MBNL2: variants seen among roughly 807,000 people sequenced by gnomAD.
MBNL2 encodes the protein muscleblind like splicing regulator 2, also known as muscleblind-like protein 2.
Under a neutral mutation model 41.9 loss-of-function variants are expected in MBNL2, and 17 were observed. That is an observed-to-expected ratio of 0.41 (90% CI 0.28 to 0.61). MBNL2 has a LOEUF of 0.61. Among genes scored for constraint, MBNL2 ranks in the 20% least tolerant of loss-of-function variants. MBNL2 has a pLI of 0.35. For synonymous variants in MBNL2, 195 were observed against 182.9 expected (o/e 1.07, Z -0.53); for missense variants, 336 against 505.6 (o/e 0.66, Z 3.22).
chr13:97,283,367 A>G (rs1292699095), intron 2 of MBNL2, among the ~76,000 whole-genome samples: 3 of 152,106 alleles, frequency 2.0e-5, no homozygotes, highest in East Asian at 3.9e-4. Flanking sequence ...CCCCATCTGA[A>G]TGGCCCATTG....
chr13:97,354,463 G>C (rs1365024011), intron 5 of MBNL2, among the ~76,000 whole-genome samples: 1 of 152,092 alleles, frequency 6.6e-6, no homozygotes, highest in Non-Finnish European at 1.5e-5. Flanking sequence ...CAAGACCTCA[G>C]TGTTTACTTT....
intron 2 of MBNL2, among the ~76,000 whole-genome samples, chr13:97,292,200 C>CAA (rs34473435): frequency 0.019 from 1,338 of 69,206 alleles, 44 homozygotes; most frequent in African/African-American, 0.055. Flanking sequence ...GACTCCATCT[C>CAA]AAAAAAAAAA....
At chr13:97,221,723 G>A (rs1445213605), upstream of MBNL2, among the ~76,000 whole-genome samples, 1 of 152,148 alleles carries the variant, frequency 6.6e-6, no homozygotes, top group Non-Finnish European at 1.5e-5. Flanking sequence ...AAACTTAGAC[G>A]AAAGATAAAT....
rs73557664 is a variant in MBNL2, at chr13:97,308,052, T to C, written c.175-26224T>C. Among the ~76,000 whole-genome samples, 1,258 of 152,362 alleles carry C rather than the reference T, an allele frequency of 8.3e-3. 24 individuals carry two copies. The highest frequency in any genetic ancestry group is 0.029 in the African/African-American group (1,195 of 41,576). ...ATTTTGAGCCATAGAGCTATTATAA[T>C]AAAAGGGATTACATCTTTGGGATTT... is the stretch of plus-strand genomic sequence containing the variant. On this transcript the variant is annotated intron_variant, in intron 2 of 8. Coordinates refer to ENST00000679496, the MANE Select transcript of MBNL2 (RefSeq NM_001382683.1).
intron 7 of MBNL2, chr13:97,357,880 A>G (rs1418424177): frequency 3.6e-6 from 2 of 551,938 alleles, no homozygotes; most frequent in Non-Finnish European, 6.5e-6. Context: ...AACAGCAGTT[A>G]GGGCTTTTGG....
intron 1 of MBNL2, among the ~76,000 whole-genome samples, chr13:97,272,803 T>A (rs2051335548): frequency 6.6e-6 from 1 of 152,242 alleles, no homozygotes; most frequent in Non-Finnish European, 1.5e-5. Flanking sequence ...CATTTGTATA[T>A]AATAATCCTA....
chr13:97,319,421 A>T (rs1412446888), intron 2 of MBNL2, among the ~76,000 whole-genome samples: 1 of 152,144 alleles, frequency 6.6e-6, no homozygotes, highest in African/African-American at 2.4e-5. Flanking sequence ...AGGAATGAAT[A>T]GGCAGGGTGG....
chr13:97,196,241 A>G, the MBNL2 span, among the ~76,000 whole-genome samples: 1 of 152,206 alleles, frequency 6.6e-6, no homozygotes, highest in Non-Finnish European at 1.5e-5. Context: ...CATACAGCCT[A>G]TAATTCACCA....
the MBNL2 span, among the ~76,000 whole-genome samples, chr13:97,155,972 A>G: frequency 7.9e-6 from 1 of 126,664 alleles, no homozygotes; most frequent in Non-Finnish European, 1.6e-5. Flanking sequence ...GAATCGCCAC[A>G]CTGACTTCCA....
intron 8 of MBNL2, among the ~76,000 whole-genome samples, chr13:97,390,037 C>G (rs1177837645): frequency 6.6e-6 from 1 of 151,882 alleles, no homozygotes; most frequent in African/African-American, 2.4e-5. Flanking sequence ...GTACACAAGA[C>G]AAGGAATGCT....
At position 97,346,730 on chromosome 13, in the gene MBNL2, C is replaced by T. The variant is rs2061905930; in HGVS notation, c.541-74C>T. ...AAAGCGAGGCAGCCTCCGCTCCTCC[C>T]GCGGTGGCCGGGGCCGCAGGGGCGC... On this transcript the variant is annotated intron_variant, in intron 4 of 8. Transcript: ENST00000679496. The surrounding 1 kb of genome is among the most constrained non-coding windows in gnomAD (Gnocchi z 4.2). 2.3e-6 allele frequency: 3 copies of T among 1,306,706 alleles called. No homozygotes were observed. The highest frequency in any genetic ancestry group is 2.3e-5 in the East Asian group (1 of 42,738). The allele number at this position is 1,306,706 out of a possible 1,614,324, so 80.9% of individuals were successfully genotyped here.
At chr13:97,384,267 A>G (rs933154861) in intron 8 of MBNL2, among the ~76,000 whole-genome samples, 11 of 152,204 alleles carry the variant, frequency 7.2e-5, no homozygotes, top group East Asian at 3.8e-4. Context: ...ATTTGTTAAC[A>G]TGTATAATTA....
chr13:97,206,980 C>T, the MBNL2 span, among the ~76,000 whole-genome samples: 5 of 152,174 alleles, frequency 3.3e-5, no homozygotes, highest in African/African-American at 4.8e-5. Context: ...GGGCAGGTAA[C>T]AGGCTTGTCT....
At chr13:97,285,777 T>TTTTTTTTTTTTTTTTTTTTTTTTTTTG (rs1566391418) in intron 2 of MBNL2, among the ~76,000 whole-genome samples, 1 of 152,208 alleles carries the variant, frequency 6.6e-6, no homozygotes, top group African/African-American at 2.4e-5. Flanking sequence ...CAACTGCTCT[T>TTTTTTTTTTTTTTTTTTTTTTTTTTTG]AATCATCCTT....
chr13:97,151,452 T>A, the MBNL2 span, among the ~76,000 whole-genome samples: 1 of 152,064 alleles, frequency 6.6e-6, no homozygotes, highest in Admixed American at 6.6e-5. Context: ...GCAGATATAG[T>A]GTGTTCGGTG....
chr13:97,350,413 TA>T (rs1419288233), intron 5 of MBNL2, among the ~76,000 whole-genome samples: 1 of 152,208 alleles, frequency 6.6e-6, no homozygotes, highest in Admixed American at 6.5e-5. Context: ...TACAATTTCT[TA>T]AAACACAATG....
chr13:97,318,284 T>C (rs2059222466), intron 2 of MBNL2, among the ~76,000 whole-genome samples: 1 of 152,230 alleles, frequency 6.6e-6, no homozygotes, highest in Non-Finnish European at 1.5e-5. Flanking sequence ...TATGAATGTG[T>C]GGAAGAAGTA....
At chr13:97,330,929 T>G (rs11618766) in intron 2 of MBNL2, among the ~76,000 whole-genome samples, 17,794 of 152,194 alleles carry the variant, frequency 0.12, 1,090 homozygotes, top group East Asian at 0.18. Context: ...ATATTAATAC[T>G]AGATTGTACT....
At chr13:97,159,183 T>C in the MBNL2 span, among the ~76,000 whole-genome samples, 8 of 152,156 alleles carry the variant, frequency 5.3e-5, no homozygotes, top group African/African-American at 1.9e-4. Context: ...TCTTTGTTGG[T>C]TTAAAGTCTG....
Sources: gnomAD v4.1 joint callset for allele counts (sites outside exome capture counted in the v4.1 genomes callset) on GRCh38, gnomAD v4.1.1 for gene constraint, Gnocchi (gnomAD v3.1) non-coding constraint, MANE v1.5 for transcripts, NCBI Gene and HGNC (gene_info 2026-07-23, HGNC 2026-07-21) for gene names.